S100A8: variants seen among roughly 807,000 people sequenced by gnomAD.
The protein encoded by S100A8 is S100 calcium binding protein A8.
In S100A8, 1 loss-of-function variant was observed where a neutral mutation model predicts 4.2. The observed-to-expected ratio is 0.24, with a 90% confidence interval of 0.08 to 1.12. The LOEUF is 1.12. S100A8 is among the 50% of genes most tolerant of loss of function. The pLI, the probability that S100A8 is intolerant of heterozygous loss-of-function variation, is 0.53. For synonymous variants in S100A8, 41 were observed against 44.7 expected (o/e 0.92, Z 0.33); for missense variants, 96 against 111.8 (o/e 0.86, Z 0.64).
upstream of S100A8, among the ~76,000 whole-genome samples, chr1:153,393,486 TCC>T (rs1662148484): frequency 6.6e-6 from 1 of 152,180 alleles, no homozygotes; most frequent in East Asian, 1.9e-4. Flanking sequence ...GTTTGACCCT[TCC>T]CTTATCCAAG....
At chr1:153,400,164 A>T in the S100A8 span, among the ~76,000 whole-genome samples, 1 of 152,196 alleles carries the variant, frequency 6.6e-6, no homozygotes, top group African/African-American at 2.4e-5. Context: ...TGTGATACAC[A>T]AACAAGAGAG....
chr1:153,411,243 C>T, the S100A8 span, among the ~76,000 whole-genome samples: 2 of 152,162 alleles, frequency 1.3e-5, no homozygotes, highest in East Asian at 1.9e-4. Flanking sequence ...ATCGCCTCAG[C>T]CCAAAATCTC....
the S100A8 span, among the ~76,000 whole-genome samples, chr1:153,418,855 T>C: frequency 2.0e-5 from 3 of 152,108 alleles, no homozygotes; most frequent in Admixed American, 6.5e-5. Context: ...ACAGGCAAGA[T>C]TGAGGCTGGG....
the S100A8 span, among the ~76,000 whole-genome samples, chr1:153,399,654 G>A: frequency 6.6e-6 from 1 of 152,188 alleles, no homozygotes; most frequent in Non-Finnish European, 1.5e-5. Context: ...GACATGTGAG[G>A]GGACAGTCAC....
chr1:153,407,093 A>T, the S100A8 span, among the ~76,000 whole-genome samples: 1 of 152,218 alleles, frequency 6.6e-6, no homozygotes, highest in Non-Finnish European at 1.5e-5. Context: ...TACCGGGTTC[A>T]TCTCACTGGG....
the S100A8 span, chr1:153,417,932 A>AT: frequency 2.9e-5 from 30 of 1,036,390 alleles, no homozygotes; most frequent in East Asian, 8.5e-5. Context: ...ATCCCATCAC[A>AT]TTTAAAAAAA....
chr1:153,417,490 G>A, the S100A8 span, among the ~76,000 whole-genome samples: 6 of 152,286 alleles, frequency 3.9e-5, no homozygotes, highest in East Asian at 1.9e-4. Context: ...TCGGGAGAGG[G>A]CTGTGTTTCC....
At chr1:153,391,544 C>T (rs1662097733), upstream of S100A8, among the ~76,000 whole-genome samples, 3 of 152,208 alleles carry the variant, frequency 2.0e-5, no homozygotes, top group African/African-American at 4.8e-5. Context: ...GTTGAGAACA[C>T]GTGTCCTGGC....
the S100A8 span, among the ~76,000 whole-genome samples, chr1:153,404,852 G>A: frequency 1.3e-5 from 2 of 152,028 alleles, no homozygotes; most frequent in African/African-American, 4.8e-5. Context: ...ACAGAAGGGC[G>A]GGAACCACGA....
chr1:153,422,486 AG>A, the S100A8 span: 1 of 982,494 alleles, frequency 1.0e-6, no homozygotes, highest in East Asian at 1.1e-4. Context: ...CTAAAGAGAA[AG>A]AATACTTGAC....
the S100A8 span, among the ~76,000 whole-genome samples, chr1:153,418,712 A>T: frequency 3.9e-4 from 59 of 152,218 alleles, no homozygotes; most frequent in East Asian, 1.9e-4. Context: ...AAGAGTAGGG[A>T]ACCCAGAAGA....
the S100A8 span, chr1:153,421,908 GA>G: frequency 6.6e-6 from 1 of 152,244 alleles, no homozygotes; most frequent in Non-Finnish European, 1.5e-5. Flanking sequence ...CTAGGTTTTA[GA>G]AATCACCTTC....
chr1:153,414,188 A>C, the S100A8 span, among the ~76,000 whole-genome samples: 2 of 152,230 alleles, frequency 1.3e-5, no homozygotes, highest in Admixed American at 6.5e-5. Context: ...AAATTTGATC[A>C]TCTTGGTTTT....
At position 153,390,144 on chromosome 1, in the gene S100A8, C is replaced by T; in HGVS notation, c.241G>A (p.Ala81Thr). 6.2e-7 allele frequency: 1 copy of T among 1,613,888 alleles called. No homozygotes were observed. The highest frequency in any genetic ancestry group is 8.5e-7 in the Non-Finnish European group (1 of 1,179,874). ...TCTTCATGGCTTTTTTTGTGGGCTG[C>T]CACGCCCATCTTTATCACCAGAATG... ...FLILVIKMGV[A>T]AHKKSHEESH... The change falls in exon 3 of 3, where the codon GCA (alanine) becomes ACA (threonine). Residue 81 changes from alanine (A) to threonine (T), a missense_variant. Ala to Thr is a moderately conservative substitution (Grantham distance 58). Transcript: ENST00000368733.
chr1:153,397,617 C>G, the S100A8 span, among the ~76,000 whole-genome samples: 1 of 152,114 alleles, frequency 6.6e-6, no homozygotes, highest in Non-Finnish European at 1.5e-5. Flanking sequence ...GCGGGTGAGG[C>G]AGCTTTCAGC....
At chr1:153,409,083 A>T in the S100A8 span, among the ~76,000 whole-genome samples, 3 of 152,190 alleles carry the variant, frequency 2.0e-5, no homozygotes, top group Admixed American at 2.0e-4. Context: ...CGAGCAAAAT[A>T]ACCAGCTAAC....
the S100A8 span, among the ~76,000 whole-genome samples, chr1:153,403,354 T>C: frequency 2.0e-5 from 3 of 152,330 alleles, no homozygotes; most frequent in South Asian, 4.1e-4. Flanking sequence ...TCTTTCTCCA[T>C]TGAATTGGCT....
At chr1:153,418,839 C>G in the S100A8 span, among the ~76,000 whole-genome samples, 2 of 152,156 alleles carry the variant, frequency 1.3e-5, no homozygotes, top group African/African-American at 4.8e-5. Context: ...CCCTTAAATG[C>G]TGGGAACAGG....
the S100A8 span, chr1:153,422,469 A>G: frequency 1.6e-5 from 15 of 962,906 alleles, no homozygotes; most frequent in East Asian, 1.3e-3. Context: ...TGGACATTAT[A>G]TTGGTACTAA....
Sources: gnomAD v4.1 joint callset for allele counts (sites outside exome capture counted in the v4.1 genomes callset) on GRCh38, gnomAD v4.1.1 for gene constraint, MANE v1.5 for transcripts, NCBI Gene and HGNC (gene_info 2026-07-23, HGNC 2026-07-21) for gene names.